Variants in BMAL1 observed in about 807,000 individuals in gnomAD.
The protein encoded by BMAL1 is basic helix-loop-helix ARNT like 1.
the BMAL1 span, among the ~76,000 whole-genome samples, chr11:13,333,790 C>G: frequency 6.6e-6 from 1 of 151,610 alleles, no homozygotes; most frequent in Non-Finnish European, 1.5e-5. Context: ...GCAGTGTTTC[C>G]TTAGTGACCT....
At chr11:13,317,783 C>T in the BMAL1 span, among the ~76,000 whole-genome samples, 1 of 152,202 alleles carries the variant, frequency 6.6e-6, no homozygotes, top group Non-Finnish European at 1.5e-5. Flanking sequence ...CCTGCCATTA[C>T]TCTGCCTCTT....
the BMAL1 span, among the ~76,000 whole-genome samples, chr11:13,315,588 G>T: frequency 1.3e-3 from 191 of 152,298 alleles, 1 homozygote; most frequent in African/African-American, 4.3e-3. Flanking sequence ...CTGGACTGTG[G>T]GTTTACGCTC....
the BMAL1 span, chr11:13,381,184 G>T: frequency 6.2e-7 from 1 of 1,614,158 alleles, no homozygotes; most frequent in Non-Finnish European, 8.5e-7. Context: ...TCGCCTTCTA[G>T]CTGTGGCTCC....
At chr11:13,378,593 G>A in the BMAL1 span, 3 of 1,036,166 alleles carry the variant, frequency 2.9e-6, no homozygotes, top group Non-Finnish European at 4.2e-6. Flanking sequence ...CCTGTGGATA[G>A]AGACCAGGGA....
At chr11:13,348,683 A>G in the BMAL1 span, among the ~76,000 whole-genome samples, 1 of 152,198 alleles carries the variant, frequency 6.6e-6, no homozygotes, top group Non-Finnish European at 1.5e-5. Flanking sequence ...CTGCTTTACC[A>G]GTTGAGGCTC....
the BMAL1 span, among the ~76,000 whole-genome samples, chr11:13,277,419 G>A: frequency 1.3e-5 from 2 of 152,310 alleles, no homozygotes; most frequent in Admixed American, 6.5e-5. Flanking sequence ...GAAAGGGAGA[G>A]GGCAGGGGCG....
the BMAL1 span, among the ~76,000 whole-genome samples, chr11:13,291,138 T>G: frequency 6.6e-6 from 1 of 152,216 alleles, no homozygotes; most frequent in Non-Finnish European, 1.5e-5. Context: ...GTAGTCTACT[T>G]AAAGGCCAAG....
At chr11:13,355,158 C>CT in the BMAL1 span, 5 of 1,437,696 alleles carry the variant, frequency 3.5e-6, no homozygotes, top group South Asian at 5.0e-5. Flanking sequence ...AAGAGGTTTT[C>CT]TTTTGTTTAA....
chr11:13,344,396 A>C, the BMAL1 span, among the ~76,000 whole-genome samples: 2 of 152,230 alleles, frequency 1.3e-5, no homozygotes, highest in Admixed American at 6.5e-5. Flanking sequence ...GGAGTAGGGC[A>C]GTGCATTGCT....
At chr11:13,285,422 G>A in the BMAL1 span, among the ~76,000 whole-genome samples, 2 of 152,182 alleles carry the variant, frequency 1.3e-5, no homozygotes, top group Non-Finnish European at 2.9e-5. Flanking sequence ...ATGCCTTGTT[G>A]TGAGAAGTGC....
the BMAL1 span, among the ~76,000 whole-genome samples, chr11:13,338,041 T>C: frequency 6.6e-6 from 1 of 152,202 alleles, no homozygotes; most frequent in Non-Finnish European, 1.5e-5. Flanking sequence ...TTTGTGTTGT[T>C]ATTTTTGTTG....
the BMAL1 span, among the ~76,000 whole-genome samples, chr11:13,285,149 A>T: frequency 1.1e-3 from 167 of 152,276 alleles, 5 homozygotes; most frequent in South Asian, 0.032. Flanking sequence ...TTGATTGCCA[A>T]CCATTCATTC....
At chr11:13,386,127 T>C in the BMAL1 span, among the ~76,000 whole-genome samples, 2 of 152,304 alleles carry the variant, frequency 1.3e-5, no homozygotes, top group South Asian at 2.1e-4. Flanking sequence ...TCAGAAGGTA[T>C]TAAAAGTCAT....
the BMAL1 span, chr11:13,386,641 G>C: frequency 6.2e-7 from 1 of 1,614,154 alleles, no homozygotes. Context: ...AACGACCAAG[G>C]ATCAAGTAGT....
chr11:13,331,432 A>G, the BMAL1 span, among the ~76,000 whole-genome samples: 2 of 152,184 alleles, frequency 1.3e-5, no homozygotes, highest in African/African-American at 4.8e-5. Context: ...GGGTGGTAGG[A>G]GGCAGTGAAG....
chr11:13,367,385 C>T, the BMAL1 span, among the ~76,000 whole-genome samples: 1 of 152,136 alleles, frequency 6.6e-6, no homozygotes, highest in South Asian at 2.1e-4. Context: ...AGGCTGTACA[C>T]TCCTACAGTT....
the BMAL1 span, among the ~76,000 whole-genome samples, chr11:13,363,930 T>C: frequency 1.3e-5 from 2 of 152,140 alleles, no homozygotes; most frequent in Non-Finnish European, 2.9e-5. Flanking sequence ...GAGCCTCCCC[T>C]CGCTGATGCA....
the BMAL1 span, chr11:13,356,858 C>G: frequency 6.2e-7 from 1 of 1,608,458 alleles, no homozygotes; most frequent in Non-Finnish European, 8.5e-7. Flanking sequence ...TTACTTGGGG[C>G]AGCACCCATG....
chr11:13,322,959 T>A, the BMAL1 span, among the ~76,000 whole-genome samples: 2 of 151,180 alleles, frequency 1.3e-5, no homozygotes, highest in Non-Finnish European at 2.9e-5. Flanking sequence ...CTGTCTGATT[T>A]TTTTTTTTTT....
Sources: gnomAD v4.1 joint callset for allele counts (sites outside exome capture counted in the v4.1 genomes callset) on GRCh38, gnomAD v4.1.1 for gene constraint, MANE v1.5 for transcripts, NCBI Gene and HGNC (gene_info 2026-07-23, HGNC 2026-07-21) for gene names.